TAF15: variants seen among roughly 807,000 people sequenced by gnomAD.
TAF15 encodes the protein TATA-box binding protein associated factor 15, also known as TATA-binding protein-associated factor 2N.
A neutral mutation model predicts 102.5 loss-of-function variants in TAF15; 37 were observed. The observed-to-expected ratio is 0.36, with a 90% CI of 0.28 to 0.47. The LOEUF (loss-of-function observed/expected upper bound fraction) is 0.47, where lower values mean the gene tolerates loss of function less well. TAF15 is among the 20% of genes least tolerant of loss of function. The pLI is 0.99. For missense variants in TAF15, 652 were observed against 760.7 expected (o/e 0.86, Z 1.68); for synonymous variants, 273 against 259.2 (o/e 1.05, Z -0.51).
chr17:35,846,814 G>A (rs1296456012), intron 15 of TAF15, 92 bp from the exon 16 acceptor site: 2 of 1,331,372 alleles, frequency 1.5e-6, no homozygotes, highest in Non-Finnish European at 2.2e-6. Context: ...TTGTCTAGCT[G>A]ATGCCAATCA....
chr17:35,823,372 T>G (rs1277213324), intron 6 of TAF15, among the ~76,000 whole-genome samples: 1 of 152,162 alleles, frequency 6.6e-6, no homozygotes, highest in Non-Finnish European at 1.5e-5. Context: ...CAATTTACAT[T>G]TAAATGTTTC....
Position 35,838,908 on chromosome 17 carries a change from G to C in TAF15, c.913+355G>C, listed in dbSNP as rs554392197. ...TAGTGGTAAAGTCTGGGGTTTTCCTGTATCTATCACTTGAATAATGTACAT... is the reference window on the plus strand; with the variant it reads ...TAGTGGTAAAGTCTGGGGTTTTCCTCTATCTATCACTTGAATAATGTACAT... On this transcript the variant is annotated intron_variant, in intron 11 of 15. Coordinates refer to ENST00000605844, the MANE Select transcript of TAF15 (RefSeq NM_139215.3). Among the ~76,000 whole-genome samples, 3 of 152,184 alleles carry C rather than the reference G, an allele frequency of 2.0e-5. No homozygotes were observed. In the South Asian group the frequency reaches 6.2e-4, roughly 32 times the overall value.
At chr17:35,811,754 A>G (rs1057289552) in intron 1 of TAF15, among the ~76,000 whole-genome samples, 8 of 152,256 alleles carry the variant, frequency 5.3e-5, no homozygotes, top group Admixed American at 2.0e-4. Context: ...TAACATTCAA[A>G]TACTGTTTAC....
chr17:35,828,912 G>GT (rs1837875123), intron 7 of TAF15, among the ~76,000 whole-genome samples: 1 of 152,136 alleles, frequency 6.6e-6, no homozygotes, highest in Non-Finnish European at 1.5e-5. Context: ...CCACATGTAG[G>GT]TAGTGGATAC....
chr17:35,823,622 G>C (rs577811227), intron 6 of TAF15: 2 of 185,192 alleles, frequency 1.1e-5, no homozygotes, highest in East Asian at 2.9e-4. Context: ...GGAGAATGGC[G>C]TGAACCTGGG....
intron 7 of TAF15, among the ~76,000 whole-genome samples, chr17:35,829,417 G>T (rs1478847970): frequency 6.6e-6 from 1 of 150,978 alleles, no homozygotes; most frequent in Non-Finnish European, 1.5e-5. Flanking sequence ...TGGATCACGA[G>T]GTCGGGAGAT....
chr17:35,845,990 G>T (rs951797552), intron 15 of TAF15, among the ~76,000 whole-genome samples: 1 of 152,162 alleles, frequency 6.6e-6, no homozygotes, highest in South Asian at 2.1e-4. Context: ...TGTTTTTCTG[G>T]AGATACTGAT....
intron 11 of TAF15, among the ~76,000 whole-genome samples, chr17:35,841,463 CAT>C (rs964960964): frequency 6.6e-6 from 1 of 151,752 alleles, no homozygotes; most frequent in African/African-American, 2.4e-5. Context: ...AACAGGTAGA[CAT>C]GTGCACCTGA....
At chr17:35,824,720 T>C (rs2087305263) in intron 7 of TAF15, among the ~76,000 whole-genome samples, 1 of 152,194 alleles carries the variant, frequency 6.6e-6, no homozygotes, top group African/African-American at 2.4e-5. Flanking sequence ...TAAATAATTA[T>C]TGGAATAATT....
chr17:35,817,530 G>A (rs993036834), intron 1 of TAF15, among the ~76,000 whole-genome samples, 186 bp from the exon 2 acceptor site: 1 of 152,138 alleles, frequency 6.6e-6, no homozygotes, highest in Admixed American at 6.5e-5. Flanking sequence ...TTGCAAATAC[G>A]TAGTTATTGT....
At chr17:35,838,153 A>G (rs1797634670) in intron 10 of TAF15, among the ~76,000 whole-genome samples, 2 of 152,130 alleles carry the variant, frequency 1.3e-5, no homozygotes, top group African/African-American at 4.8e-5. Flanking sequence ...CTGCATTCCA[A>G]CCTGGGTGAC....
chr17:35,846,815 A>G, intron 15 of TAF15, 91 bp from the exon 16 acceptor site: 1 of 1,339,568 alleles, frequency 7.5e-7, no homozygotes, highest in South Asian at 1.2e-5. Flanking sequence ...TGTCTAGCTG[A>G]TGCCAATCAC....
chr17:35,828,460 A>C (rs1233968665), intron 7 of TAF15, among the ~76,000 whole-genome samples: 1 of 152,230 alleles, frequency 6.6e-6, no homozygotes, highest in Non-Finnish European at 1.5e-5. Flanking sequence ...TTTGTTGGTC[A>C]TGATGGCCTG....
intron 7 of TAF15, among the ~76,000 whole-genome samples, chr17:35,828,063 TAATA>T: frequency 6.6e-6 from 1 of 152,342 alleles, no homozygotes; most frequent in South Asian, 2.1e-4. Flanking sequence ...TGCCAGAACT[TAATA>T]AATAATTGCT....
At position 35,820,018 on chromosome 17, in the gene TAF15, T is replaced by A. The variant is rs748485870; in HGVS notation, c.48-6T>A. 1.7e-5 allele frequency: 28 copies of A among 1,613,574 alleles called. No homozygotes were observed. The highest frequency in any genetic ancestry group is 2.3e-5 in the Non-Finnish European group (27 of 1,179,706). ...TTCTTTCAAGTATTAAATTTTTCTTTTGCAGTTATTCTACCTATGGAAATC... is the reference window on the plus strand; with the variant it reads ...TTCTTTCAAGTATTAAATTTTTCTTATGCAGTTATTCTACCTATGGAAATC... On this transcript the variant is annotated splice_region_variant and splice_polypyrimidine_tract_variant and intron_variant, in intron 2 of 15. Transcript: ENST00000605844.
rs529493663 is a variant in TAF15, at chr17:35,824,146, A to G, written c.553A>G (p.Arg185Gly). 6.2e-7 allele frequency: 1 copy of G among 1,613,940 alleles called. No homozygotes were observed. The highest frequency in any genetic ancestry group is 1.3e-5 in the African/African-American group (1 of 74,998). ...ATATGGCGGGTCACAGGGAGGAGGT[A>G]GAGGGCGTGGGGGATATGACAAGGA... ...RGYGGSQGGG[R>G]GRGGYDKDGR... is the part of the protein sequence containing the mutation. The change falls in exon 7 of 16, where the codon AGA becomes GGA. Residue 185 changes from arginine to glycine, a missense_variant. This residue lies in a region of TAF15 where 243 missense variants were observed against 284.1 expected (regional missense o/e 0.86). Transcript: ENST00000605844.
In TAF15 at chr17:35,844,079, C is replaced by T. The variant is rs753441803; in HGVS notation, c.1009C>T (p.Arg337Cys). 1.2e-5 allele frequency: 19 copies of T among 1,613,898 alleles called. No homozygotes were observed. Among genetic ancestry groups the T allele is most frequent in the Middle Eastern group, 1.6e-4 (1 of 6,074 alleles). Reference protein sequence around the residue: ...GGGSGGGRRGRGGYRGRGGFQ... With the variant: ...GGGSGGGRRGCGGYRGRGGFQ... ...CTCCCCTGGCCCCATCCCCCTAGGC[C>T]GTGGAGGATATAGAGGTCGTGGAGG... Residue 337 changes from arginine to cysteine, a missense_variant and splice_region_variant, in exon 13 of 16, where the codon CGT becomes TGT. Transcript: ENST00000605844.
chr17:35,815,695 T>A (rs1032641302), intron 1 of TAF15, among the ~76,000 whole-genome samples: 1 of 152,242 alleles, frequency 6.6e-6, no homozygotes, highest in African/African-American at 2.4e-5. Flanking sequence ...ATACCTTGTT[T>A]TACTCATTGT....
intron 7 of TAF15, among the ~76,000 whole-genome samples, chr17:35,829,647 AAAAAAAAAAG>A (rs1340439629): frequency 1.4e-3 from 200 of 148,130 alleles, no homozygotes; most frequent in African/African-American, 4.6e-3. Flanking sequence ...AAAAAAAAAA[AAAAAAAAAAG>A]AGAGAGAGAG....
Sources: allele counts gnomAD v4.1 joint callset (sites outside exome capture counted in the v4.1 genomes callset), GRCh38; gene constraint gnomAD v4.1.1; regional missense constraint gnomAD v4.1.1; transcripts MANE v1.5; gene names NCBI Gene and HGNC (gene_info 2026-07-23, HGNC 2026-07-21).